GRM5: variants seen among roughly 807,000 people sequenced by gnomAD.
The protein encoded by GRM5 is glutamate metabotropic receptor 5, also known as metabotropic glutamate receptor 5.
Under a neutral mutation model 83.1 loss-of-function variants are expected in GRM5, and 19 were observed. That is an observed-to-expected ratio of 0.23 (90% CI 0.16 to 0.34). The LOEUF (loss-of-function observed/expected upper bound fraction) is 0.34. Among genes scored for constraint, GRM5 ranks in the 10% least tolerant of loss-of-function variants. The pLI, the probability that GRM5 is intolerant of heterozygous loss-of-function variation, is 1.00. For synonymous variants in GRM5, 675 were observed against 633.6 expected, an observed-to-expected ratio of 1.07 and a Z score of -0.98; for missense variants, 1,160 against 1,588.3, an observed-to-expected ratio of 0.73 and a Z score of 4.58.
chr11:88,796,096 C>T (rs923773526), intron 3 of GRM5, among the ~76,000 whole-genome samples: 3 of 152,158 alleles, frequency 2.0e-5, no homozygotes, highest in Non-Finnish European at 2.9e-5. Context: ...AACACTATTA[C>T]TGATCTTCAG....
intron 2 of GRM5, among the ~76,000 whole-genome samples, chr11:89,021,557 A>C (rs1361096412): frequency 6.6e-6 from 1 of 152,228 alleles, no homozygotes; most frequent in East Asian, 1.9e-4. Context: ...AATTTGGAGA[A>C]GTTTTCAAGT....
At chr11:88,672,831 A>G (rs764510791) in intron 3 of GRM5, among the ~76,000 whole-genome samples, 3 of 152,038 alleles carry the variant, frequency 2.0e-5, no homozygotes, top group Admixed American at 6.6e-5. Context: ...TTGAGACAGA[A>G]TAAATCAATC....
At chr11:88,654,972 T>C (rs1052272555) in intron 3 of GRM5, among the ~76,000 whole-genome samples, 11 of 152,192 alleles carry the variant, frequency 7.2e-5, no homozygotes, top group African/African-American at 2.4e-4. Flanking sequence ...TATTAAGATA[T>C]CATAAGGGCT....
chr11:88,871,751 C>T (rs562599161), intron 2 of GRM5, among the ~76,000 whole-genome samples: 1 of 151,458 alleles, frequency 6.6e-6, no homozygotes, highest in Non-Finnish European at 1.5e-5. Flanking sequence ...ATTTAAAATA[C>T]TGTGTGTACT....
At chr11:88,843,437 T>C (rs570213358) in intron 3 of GRM5, among the ~76,000 whole-genome samples, 8 of 152,184 alleles carry the variant, frequency 5.3e-5, no homozygotes, top group Non-Finnish European at 1.0e-4. Context: ...ACTGTTGTAA[T>C]TGGTTTGGGG....
chr11:88,702,144 A>G (rs575886332), intron 3 of GRM5, among the ~76,000 whole-genome samples: 1 of 152,062 alleles, frequency 6.6e-6, no homozygotes, highest in South Asian at 2.1e-4. Flanking sequence ...TTAGGATTTC[A>G]TTTTTAGTTT....
At position 88,547,365 on chromosome 11, in the gene GRM5, T is replaced by C. The variant is rs7108540; in HGVS notation, c.2630+19688A>G. 2.9e-3 allele frequency among the ~76,000 whole-genome samples: 436 copies of C among 152,242 alleles called. 4 individuals carry two copies. Among genetic ancestry groups the C allele is most frequent in the African/African-American group, 9.2e-3 (384 of 41,548 alleles). On this transcript the variant is annotated intron_variant, in intron 8 of 9. Transcript: ENST00000305447. ...CAGAATTGAAAGTGTAATGATGGGA[T>C]GGTTGAATTCTCCAAAGAAGAGAAC...
intron 5 of GRM5, among the ~76,000 whole-genome samples, chr11:88,600,008 C>T (rs1230512563): frequency 1.3e-5 from 2 of 152,052 alleles, no homozygotes; most frequent in Non-Finnish European, 2.9e-5. Flanking sequence ...GTGAGACTGT[C>T]TCAAAACAAA....
intron 2 of GRM5, among the ~76,000 whole-genome samples, chr11:88,961,353 T>C (rs1018812411): frequency 1.4e-5 from 2 of 145,020 alleles, no homozygotes; most frequent in African/African-American, 5.1e-5. Context: ...TCAGTAAAAA[T>C]GTTACAGCAT....
intron 8 of GRM5, among the ~76,000 whole-genome samples, chr11:88,559,924 G>A (rs919440257): frequency 6.6e-6 from 1 of 152,170 alleles, no homozygotes; most frequent in Non-Finnish European, 1.5e-5. Context: ...GGAACTTAAT[G>A]CAGTCTCAGA....
At chr11:88,817,246 T>C (rs1383412053) in intron 3 of GRM5, among the ~76,000 whole-genome samples, 1 of 152,138 alleles carries the variant, frequency 6.6e-6, no homozygotes, top group East Asian at 1.9e-4. Context: ...TTTGGATACG[T>C]TTGCTTATTT....
intron 2 of GRM5, among the ~76,000 whole-genome samples, chr11:88,957,764 A>G (rs1451435439): frequency 6.6e-6 from 1 of 152,164 alleles, no homozygotes; most frequent in Non-Finnish European, 1.5e-5. Flanking sequence ...ATCTTCCCCC[A>G]TAGAGACAAT....
chr11:88,683,917 A>G (rs1211381710), intron 3 of GRM5, among the ~76,000 whole-genome samples: 1 of 152,230 alleles, frequency 6.6e-6, no homozygotes, highest in African/African-American at 2.4e-5. Context: ...TGCTGAAATA[A>G]AACAGTAAAA....
intron 2 of GRM5, among the ~76,000 whole-genome samples, chr11:88,983,312 C>T (rs1939587426): frequency 6.6e-6 from 1 of 152,146 alleles, no homozygotes; most frequent in South Asian, 2.1e-4. Context: ...AGTTGTTTCT[C>T]AAATTTATCT....
At chr11:88,762,119 T>C (rs918734846) in intron 3 of GRM5, among the ~76,000 whole-genome samples, 1 of 152,002 alleles carries the variant, frequency 6.6e-6, no homozygotes, top group Non-Finnish European at 1.5e-5. Flanking sequence ...ATTCTGGACA[T>C]AGGAATGAGC....
intron 2 of GRM5, among the ~76,000 whole-genome samples, chr11:88,941,871 A>G (rs1938125804): frequency 6.6e-6 from 1 of 152,006 alleles, no homozygotes; most frequent in African/African-American, 2.4e-5. Context: ...AGTTTATCTC[A>G]TTAGAAGATA....
chr11:88,948,598 T>C (rs1286853637), intron 2 of GRM5, among the ~76,000 whole-genome samples: 2 of 152,214 alleles, frequency 1.3e-5, no homozygotes, highest in Non-Finnish European at 2.9e-5. Context: ...TTCATAAAAT[T>C]CGTAGAAGTT....
chr11:88,645,803 G>A (rs1939427364), intron 4 of GRM5, among the ~76,000 whole-genome samples: 1 of 151,998 alleles, frequency 6.6e-6, no homozygotes, highest in Admixed American at 6.6e-5. Flanking sequence ...GTGAATTCAG[G>A]TAACAATGAA....
In GRM5 at chr11:89,056,621, G is replaced by A. The variant is rs541790162; in HGVS notation, c.-200-8549C>T. Among the ~76,000 whole-genome samples the A allele has an allele frequency of 2.8e-3, 428 of 152,062 alleles. 3 individuals carry two copies. The highest frequency in any genetic ancestry group is 9.8e-3 in the African/African-American group (408 of 41,500). On this transcript the variant is annotated intron_variant, in intron 1 of 9. Transcript: ENST00000305447. ...TTAGGTTATAGCTTTTAGATGGTGG[G>A]GATAATATGTCAGTAGAAATAAAGG...
Sources: gnomAD v4.1 joint callset for allele counts (sites outside exome capture counted in the v4.1 genomes callset) on GRCh38, gnomAD v4.1.1 for gene constraint, MANE v1.5 for transcripts, NCBI Gene and HGNC (gene_info 2026-07-23, HGNC 2026-07-21) for gene names.